The following POC5 variants were observed in gnomAD, a reference collection of about 807,000 sequenced individuals.
POC5 encodes POC5 centriolar protein.
A neutral mutation model predicts 62.9 loss-of-function variants in POC5; 48 were observed. That is an observed-to-expected ratio of 0.76 (90% CI 0.61 to 0.97). POC5 has a LOEUF of 0.97. POC5 is among the 50% of genes least tolerant of loss of function. The probability of loss-of-function intolerance (pLI) is 0.00; values close to 1 mark genes in which losing one functional copy is unlikely to be tolerated. For synonymous variants in POC5, 236 were observed against 228.2 expected (o/e 1.03, Z -0.31); for missense variants, 696 against 679.5 (o/e 1.02, Z -0.27).
intron 2 of POC5, among the ~76,000 whole-genome samples, chr5:75,709,086 C>T (rs1451755554): frequency 1.3e-5 from 2 of 152,100 alleles, no homozygotes; most frequent in African/African-American, 4.8e-5. Context: ...AGCCCTGGAC[C>T]CCCAAAGTGC....
At chr5:75,684,809 ATT>A (rs11289708) in intron 10 of POC5, among the ~76,000 whole-genome samples, 2 of 148,834 alleles carry the variant, frequency 1.3e-5, no homozygotes, top group Admixed American at 6.7e-5. Context: ...AATACCACAG[ATT>A]TTTTTTTTCT....
At chr5:75,698,519 C>T (rs554291224) in intron 5 of POC5, among the ~76,000 whole-genome samples, 13 of 151,842 alleles carry the variant, frequency 8.6e-5, no homozygotes, top group South Asian at 6.3e-4. Context: ...TTGAAACCAC[C>T]GAGAACAAAG....
chr5:75,690,517 G>A lies in POC5; in HGVS notation c.841C>T (p.Leu281=). ...CGCCAGACTTTCCAGACTTTCTTCAGTAAAGTTCTCTGGTAGTACTGGTCA... is the reference window on the plus strand; with the variant it reads ...CGCCAGACTTTCCAGACTTTCTTCAATAAAGTTCTCTGGTAGTACTGGTCA... ...LADQYYQRTL[L]KKVWKVWRSV... Residue 281 remains leucine, a synonymous_variant, in exon 8 of 12, where the codon CTG becomes TTG. Coordinates refer to ENST00000428202, the MANE Select transcript of POC5 (RefSeq NM_001099271.2). 6.2e-7 allele frequency: 1 copy of A among 1,601,830 alleles called. No individual in the cohort carries two copies. The highest frequency in any genetic ancestry group is 8.5e-7 in the Non-Finnish European group (1 of 1,173,098).
chr5:75,686,270 C>T (rs1251496511), intron 9 of POC5, among the ~76,000 whole-genome samples: 3 of 152,160 alleles, frequency 2.0e-5, no homozygotes, highest in Non-Finnish European at 4.4e-5. Context: ...AAGACTGTAT[C>T]TGTGTGGTAT....
chr5:75,693,658 C>G (rs547614045), intron 6 of POC5, among the ~76,000 whole-genome samples: 1 of 152,032 alleles, frequency 6.6e-6, no homozygotes. Context: ...CAATTTTATA[C>G]GAAATCAAGG....
chr5:75,690,620 G>C (rs556769519), intron 7 of POC5, 58 bp from the exon 8 acceptor site: 5 of 1,314,252 alleles, frequency 3.8e-6, no homozygotes, highest in Non-Finnish European at 3.1e-6. Context: ...TATATTGGTA[G>C]TAATAATAAA....
rs574159916 is a variant in POC5, at chr5:75,714,936, G to A, written c.-14-1985C>T. 2.2e-4 allele frequency among the ~76,000 whole-genome samples: 33 copies of A among 152,206 alleles called. No individual in the cohort carries two copies. The South Asian group carries it at 6.8e-3, about 32-fold the overall frequency. On this transcript the variant is annotated intron_variant, in intron 1 of 11. Coordinates refer to ENST00000428202, the MANE Select transcript of POC5 (RefSeq NM_001099271.2). ...TGGGAACTGCTGAAAAAAGGGAATG[G>A]ATGAGACCACCTATAAAAAAGGAAT...
chr5:75,680,626 T>A lies in POC5; in HGVS notation c.1408-2676A>T, dbSNP rs533121393. Reference sequence around the variant, plus strand: ...AAATTGTATAAATTGATGAAAAAGTTGAAAATGCATAAGGACAATTTAGAA... The same window carrying A: ...AAATTGTATAAATTGATGAAAAAGTAGAAAATGCATAAGGACAATTTAGAA... On this transcript the variant is annotated intron_variant, in intron 10 of 11. Transcript: ENST00000428202. 3.0e-3 allele frequency among the ~76,000 whole-genome samples: 460 copies of A among 152,210 alleles called. 1 individual carries two copies. Among genetic ancestry groups the A allele is most frequent in the Non-Finnish European group, 5.1e-3 (345 of 67,992 alleles).
At chr5:75,699,636 C>T (rs1387078960) in intron 5 of POC5, among the ~76,000 whole-genome samples, 9 of 138,272 alleles carry the variant, frequency 6.5e-5, no homozygotes, top group Admixed American at 1.5e-4. Context: ...AAACTGGAAG[C>T]ATTCCCTTTG....
intron 5 of POC5, among the ~76,000 whole-genome samples, chr5:75,695,474 G>A (rs897049159): frequency 4.6e-5 from 7 of 152,106 alleles, no homozygotes; most frequent in Admixed American, 3.9e-4. Flanking sequence ...TGTTCCAAGG[G>A]GGGAAAATGG....
At chr5:75,699,846 A>C (rs1019130595) in intron 5 of POC5, among the ~76,000 whole-genome samples, 16 of 149,164 alleles carry the variant, frequency 1.1e-4, no homozygotes, top group Non-Finnish European at 2.2e-4. Context: ...AATCTCCTTA[A>C]GCTGATAAGC....
intron 2 of POC5, among the ~76,000 whole-genome samples, chr5:75,711,016 T>C (rs910445737): frequency 6.6e-6 from 1 of 152,194 alleles, no homozygotes; most frequent in Non-Finnish European, 1.5e-5. Flanking sequence ...TTTACCACAA[T>C]TGCTATGGCT....
At chr5:75,684,902 CTG>C (rs1391513007) in intron 10 of POC5, among the ~76,000 whole-genome samples, 4 of 142,568 alleles carry the variant, frequency 2.8e-5, no homozygotes, top group African/African-American at 1.0e-4. Flanking sequence ...GAGTCTCGCT[CTG>C]TTGCCCAGGC....
chr5:75,714,462 T>A, intron 1 of POC5, among the ~76,000 whole-genome samples: 1 of 152,056 alleles, frequency 6.6e-6, no homozygotes. Context: ...ATTAAGAAGA[T>A]AAATGATGAC....
intron 10 of POC5, among the ~76,000 whole-genome samples, chr5:75,679,703 A>G (rs544001210): frequency 6.3e-4 from 96 of 152,302 alleles, no homozygotes; most frequent in Non-Finnish European, 1.3e-3. Flanking sequence ...ATTAGTAATC[A>G]TAAATGATTT....
chr5:75,710,291 T>C (rs1203464019), intron 2 of POC5, among the ~76,000 whole-genome samples: 1 of 152,196 alleles, frequency 6.6e-6, no homozygotes, highest in Admixed American at 6.5e-5. Flanking sequence ...CAAAATATAC[T>C]TTTGATTTTG....
At chr5:75,715,189 A>C (rs1269785770) in intron 1 of POC5, among the ~76,000 whole-genome samples, 1 of 151,834 alleles carries the variant, frequency 6.6e-6, no homozygotes, top group Non-Finnish European at 1.5e-5. Flanking sequence ...GGGCGCCTGT[A>C]GTCCCAGCTA....
At chr5:75,685,088 C>A (rs886299445) in intron 10 of POC5, 119 bp downstream of exon 10, 4 of 1,076,330 alleles carry the variant, frequency 3.7e-6, no homozygotes, top group Admixed American at 2.5e-5. Context: ...AGGATGGTCT[C>A]GATCTCCTGA....
In POC5 at chr5:75,690,403, A is replaced by C; in HGVS notation, c.955T>G (p.Tyr319Asp). 1 of 1,610,202 alleles carries C rather than the reference A, an allele frequency of 6.2e-7. No homozygotes were observed. Among genetic ancestry groups the C allele is most frequent in the East Asian group, 2.2e-5 (1 of 44,848 alleles). ...CTTACCATAGCAACTTTGGCTTCATAATCATTGGAAATCTGGATACAAACT... is the reference window on the plus strand; with the variant it reads ...CTTACCATAGCAACTTTGGCTTCATCATCATTGGAAATCTGGATACAAACT... ...EEVCIQISND[Y>D]EAKVAMLSGA... The change falls in exon 8 of 12, where the codon TAT (tyrosine) becomes GAT (aspartate). Residue 319 changes from tyrosine (Y) to aspartate (D), a missense_variant. By Grantham distance (160) the Tyr-to-Asp change is radical (BLOSUM62 -3). Coordinates refer to ENST00000428202, the MANE Select transcript of POC5 (RefSeq NM_001099271.2).
Sources: allele counts gnomAD v4.1 joint callset (sites outside exome capture counted in the v4.1 genomes callset), GRCh38; gene constraint gnomAD v4.1.1; transcripts MANE v1.5; gene names NCBI Gene and HGNC (gene_info 2026-07-23, HGNC 2026-07-21).